The following PIEZO2 variants were observed in gnomAD, a reference collection of about 807,000 sequenced individuals.
PIEZO2 encodes the protein piezo-type mechanosensitive ion channel component 2.
PIEZO2 carries 172 observed loss-of-function variants against 337.3 expected under a neutral mutation model. The observed-to-expected ratio is 0.51, with a 90% CI of 0.45 to 0.58. The LOEUF is 0.58. Ranked by LOEUF, PIEZO2 falls within the 20% of genes least tolerant of loss-of-function variation. PIEZO2 has a pLI of 0.00. For synonymous variants in PIEZO2, 1,251 were observed against 1,228.5 expected, an observed-to-expected ratio of 1.02 and a Z score of -0.38; for missense variants, 3,028 against 3,391.3, an observed-to-expected ratio of 0.89 and a Z score of 2.66.
At chr18:10,871,483 A>G in intron 4 of PIEZO2, 68 bp from the exon 5 acceptor site, 1 of 1,379,938 alleles carries the variant, frequency 7.2e-7, no homozygotes, top group African/African-American at 1.5e-5. Flanking sequence ...AAACTGCCTT[A>G]TAGGATGTTT....
Position 10,682,359 on chromosome 18 carries a change from G to A in PIEZO2, c.7498-67C>T. ...GTGCTTTCCCGCAGGCAGCGGGATT[G>A]GGGGAGAGCGAGTGCTCTTCCTGTG... On this transcript the variant is annotated intron_variant, in intron 49 of 55. Transcript: ENST00000674853. The surrounding 1 kb of genome is among the most constrained non-coding windows in gnomAD (Gnocchi z 5.6). The A allele has an allele frequency of 1.4e-6, 2 of 1,379,582 alleles. No individual in the cohort carries two copies. Among genetic ancestry groups the A allele is most frequent in the Middle Eastern group, 2.2e-4 (1 of 4,592 alleles). The allele number at this position is 1,379,582 out of a possible 1,614,324, so 85.5% of individuals were successfully genotyped here. A position where few individuals can be genotyped will look rare whatever the true frequency, so the allele number is the denominator to read the frequency against.
intron 4 of PIEZO2, among the ~76,000 whole-genome samples, chr18:10,885,252 G>C (rs1481281713): frequency 6.6e-6 from 1 of 151,926 alleles, no homozygotes; most frequent in East Asian, 1.9e-4. Flanking sequence ...GTGAAACCCT[G>C]TCTCTACTAA....
intron 7 of PIEZO2, among the ~76,000 whole-genome samples, chr18:10,818,126 A>G (rs139917036): frequency 1.3e-5 from 2 of 152,138 alleles, no homozygotes; most frequent in Admixed American, 1.3e-4. Context: ...CAACAAGGAG[A>G]TAGAAATCAC....
rs189751796 is a variant in PIEZO2, at chr18:11,016,051, C to G, written c.161-36391G>C. 2.6e-5 allele frequency among the ~76,000 whole-genome samples: 4 copies of G among 152,294 alleles called. No homozygotes were observed. The East Asian group carries it at 7.7e-4, about 29-fold the overall frequency. ...TTGTTCTCCCTTTTCACCCTGGCCT[C>G]CTTCAGCCTCATTCTTCCTCCTTCT... is the stretch of plus-strand genomic sequence containing the variant. On this transcript the variant is annotated intron_variant, in intron 2 of 55. Coordinates refer to ENST00000674853, the MANE Select transcript of PIEZO2 (RefSeq NM_001378183.1). The surrounding 1 kb of genome is among the most constrained non-coding windows in gnomAD (Gnocchi z 5.6).
At chr18:10,705,131 G>C (rs1424961996) in intron 41 of PIEZO2, among the ~76,000 whole-genome samples, 2 of 152,194 alleles carry the variant, frequency 1.3e-5, no homozygotes, top group African/African-American at 2.4e-5. Context: ...ACAAGGCTCT[G>C]GGTTTTGCTG....
Position 10,921,849 on chromosome 18 carries a change from C to T in PIEZO2, c.287-10621G>A, listed in dbSNP as rs900306061. On this transcript the variant is annotated intron_variant, in intron 3 of 55. Coordinates refer to ENST00000674853, the MANE Select transcript of PIEZO2 (RefSeq NM_001378183.1). ...CTGAACTGGCCCCCTTGAGTGTGGC[C>T]GTCTTCTATGGTCGAGACTGTAGGG... Among the ~76,000 whole-genome samples the T allele has an allele frequency of 3.9e-5, 6 of 152,166 alleles. No individual in the cohort carries two copies. The East Asian group carries it at 7.7e-4, about 20-fold the overall frequency.
chr18:10,807,320 A>T (rs1232516904), intron 7 of PIEZO2, 46 bp from the exon 8 acceptor site: 14 of 1,494,690 alleles, frequency 9.4e-6, no homozygotes, highest in African/African-American at 1.4e-5. Flanking sequence ...AATAAGCTAT[A>T]TGTCTCCAAC....
rs1184728399 is a variant in PIEZO2, at chr18:11,080,503, G to C, written c.65-14281C>G. On this transcript the variant is annotated intron_variant, in intron 1 of 55. Coordinates refer to ENST00000674853, the MANE Select transcript of PIEZO2 (RefSeq NM_001378183.1). The surrounding 1 kb of genome is among the most constrained non-coding windows in gnomAD (Gnocchi z 5.4). Reference sequence around the variant, plus strand: ...TGCACATAATAAGCCTGTGATGATAGTGCAGAATGAATAAAGGAATAAAGG... The same window carrying C: ...TGCACATAATAAGCCTGTGATGATACTGCAGAATGAATAAAGGAATAAAGG... Among the ~76,000 whole-genome samples the C allele has an allele frequency of 2.0e-5, 3 of 152,204 alleles. No homozygotes were observed. The highest frequency in any genetic ancestry group is 6.5e-5 in the Admixed American group (1 of 15,290).
rs762360215 is a variant in PIEZO2 at position 11,143,627 on chromosome 18, ACACACACACACACTCTCT to A, written c.64+4880_64+4897del. 1.5e-3 allele frequency among the ~76,000 whole-genome samples: 166 copies of A among 107,926 alleles called. No individual in the cohort carries two copies. The highest frequency in any genetic ancestry group is 8.0e-3 in the African/African-American group (133 of 16,664). 70.8% of individuals were successfully genotyped at this position (107,926 alleles called of 152,430 possible). ...CACACACACACACACACACACACAC[ACACACACACACACTCTCT>A]CTCTCTCTCTCTCTCTCTCTCTCTC... On this transcript the variant is annotated intron_variant, in intron 1 of 55. Coordinates refer to ENST00000674853, the MANE Select transcript of PIEZO2 (RefSeq NM_001378183.1). The surrounding 1 kb of genome is among the most constrained non-coding windows in gnomAD (Gnocchi z 4.9).
intron 7 of PIEZO2, among the ~76,000 whole-genome samples, chr18:10,823,888 T>G (rs2040592111): frequency 6.6e-6 from 1 of 152,200 alleles, no homozygotes; most frequent in African/African-American, 2.4e-5. Flanking sequence ...ATATTCGCAT[T>G]CTGCCACATT....
intron 3 of PIEZO2, among the ~76,000 whole-genome samples, chr18:10,959,216 T>C (rs1265431193): frequency 6.6e-6 from 1 of 152,192 alleles, no homozygotes. Flanking sequence ...TGTCTTTGTA[T>C]TTGTCTTGTT....
rs1210003825 is a variant in PIEZO2, at chr18:11,143,621, ACACACACACACACACACACT to A, written c.64+4884_64+4903del. ...CTCTAACACACACACACACACACAC[ACACACACACACACACACACT>A]CTCTCTCTCTCTCTCTCTCTCTCTC... On this transcript the variant is annotated intron_variant, in intron 1 of 55. Coordinates refer to ENST00000674853, the MANE Select transcript of PIEZO2 (RefSeq NM_001378183.1). The surrounding 1 kb of genome is among the most constrained non-coding windows in gnomAD (Gnocchi z 4.9). 8.4e-5 allele frequency among the ~76,000 whole-genome samples: 12 copies of A among 143,044 alleles called. No individual in the cohort carries two copies. Among genetic ancestry groups the A allele is most frequent in the African/African-American group, 3.4e-4 (12 of 35,530 alleles). The allele number at this position is 143,044 out of a possible 152,430, so 93.8% of individuals were successfully genotyped here.
intron 3 of PIEZO2, among the ~76,000 whole-genome samples, chr18:10,928,315 C>T (rs749827104): frequency 1.3e-5 from 2 of 152,126 alleles, no homozygotes; most frequent in African/African-American, 2.4e-5. Context: ...AGAAGTCTTA[C>T]CAAAGTCAAA....
rs1237924122 is a variant in PIEZO2 at position 11,129,117 on chromosome 18, G to T, written c.64+19408C>A. Among the ~76,000 whole-genome samples, 3 of 152,192 alleles carry T rather than the reference G, an allele frequency of 2.0e-5. No individual in the cohort carries two copies. Among genetic ancestry groups the T allele is most frequent in the Non-Finnish European group, 4.4e-5 (3 of 68,044 alleles). ...AGGGATCCAAAGGCTTAGGGAGATT[G>T]GGATGGTGGAGTGGATTAGTCACTT... On this transcript the variant is annotated intron_variant, in intron 1 of 55. Coordinates refer to ENST00000674853, the MANE Select transcript of PIEZO2 (RefSeq NM_001378183.1). The surrounding 1 kb of genome is among the most constrained non-coding windows in gnomAD (Gnocchi z 4.6).
intron 2 of PIEZO2, among the ~76,000 whole-genome samples, chr18:11,049,590 T>G (rs1468678435): frequency 6.6e-6 from 1 of 152,218 alleles, no homozygotes; most frequent in Admixed American, 6.5e-5. Context: ...GAATTGTAGC[T>G]GTCATAATTC....
At chr18:10,883,362 G>A (rs1025657435) in intron 4 of PIEZO2, among the ~76,000 whole-genome samples, 2 of 152,012 alleles carry the variant, frequency 1.3e-5, no homozygotes, top group Non-Finnish European at 2.9e-5. Context: ...CATAATGGCT[G>A]CACTAATCTA....
intron 1 of PIEZO2, among the ~76,000 whole-genome samples, chr18:11,075,859 G>A (rs188345280): frequency 1.8e-3 from 256 of 143,830 alleles, no homozygotes; most frequent in Admixed American, 5.0e-3. Flanking sequence ...CGCGATCTCC[G>A]CTCACTGCAA....
At position 11,047,118 on chromosome 18, in the gene PIEZO2, T is replaced by C. The variant is rs1204304179; in HGVS notation, c.160+19009A>G. 6.6e-6 allele frequency among the ~76,000 whole-genome samples: 1 copy of C among 152,210 alleles called. No individual in the cohort carries two copies. Among genetic ancestry groups the C allele is most frequent in the Non-Finnish European group, 1.5e-5 (1 of 68,030 alleles). On this transcript the variant is annotated intron_variant, in intron 2 of 55. Coordinates refer to ENST00000674853, the MANE Select transcript of PIEZO2 (RefSeq NM_001378183.1). This position sits in a 1 kb window ranked among gnomAD's most constrained non-coding sequence, Gnocchi z 7.2. ...GGGGGCATGTGCAGGGCATGGCCTG[T>C]CCAGGTACACTCAGGAGCCCCGTTT...
intron 37 of PIEZO2, among the ~76,000 whole-genome samples, chr18:10,717,033 T>G (rs1241328473): frequency 6.6e-6 from 1 of 152,020 alleles, no homozygotes; most frequent in East Asian, 1.9e-4. Context: ...TAGGGCACAG[T>G]GGTTAAGAGC....
Sources: allele counts gnomAD v4.1 joint callset (sites outside exome capture counted in the v4.1 genomes callset), GRCh38; gene constraint gnomAD v4.1.1; non-coding constraint Gnocchi (gnomAD v3.1); transcripts MANE v1.5; gene names NCBI Gene and HGNC (gene_info 2026-07-23, HGNC 2026-07-21).